Variants in EXOC6 observed in about 807,000 individuals in gnomAD.
EXOC6 encodes SEC15-like 1.
EXOC6 carries 60 observed loss-of-function variants against 112.5 expected under a neutral mutation model. That is an observed-to-expected ratio of 0.53 (90% CI 0.43 to 0.66). EXOC6 has a LOEUF of 0.66. EXOC6 is among the 30% of genes least tolerant of loss of function. The pLI is 0.00. For synonymous variants in EXOC6, 295 were observed against 308.0 expected (o/e 0.96, Z 0.44); for missense variants, 855 against 957.1 (o/e 0.89, Z 1.41).
intron 20 of EXOC6, among the ~76,000 whole-genome samples, chr10:93,029,093 A>T (rs1845154951): frequency 6.6e-6 from 1 of 152,218 alleles, no homozygotes; most frequent in South Asian, 2.1e-4. Context: ...ATGAGTCAGC[A>T]GCCATCCACA....
At chr10:92,992,907 T>G (rs188292994) in intron 18 of EXOC6, among the ~76,000 whole-genome samples, 3 of 151,798 alleles carry the variant, frequency 2.0e-5, no homozygotes, top group African/African-American at 7.2e-5. Context: ...ATGAATTTAT[T>G]CATTCATTAA....
At chr10:92,849,683 G>A (rs1032203426) in intron 1 of EXOC6, among the ~76,000 whole-genome samples, 1 of 152,206 alleles carries the variant, frequency 6.6e-6, no homozygotes, top group East Asian at 1.9e-4. Flanking sequence ...AGTGTAAATT[G>A]AAGCCAGTTC....
At chr10:92,880,579 T>C (rs1343125284) in intron 1 of EXOC6, among the ~76,000 whole-genome samples, 2 of 152,280 alleles carry the variant, frequency 1.3e-5, no homozygotes, top group African/African-American at 4.8e-5. Flanking sequence ...ACTTAGAAGA[T>C]AAAATATACA....
At position 93,019,278 on chromosome 10, in the gene EXOC6, C is replaced by T. The variant is rs1844675389; in HGVS notation, c.2169+5011C>T. Among the ~76,000 whole-genome samples the T allele has an allele frequency of 2.6e-5, 4 of 152,124 alleles. 1 individual carries two copies. In the South Asian group the frequency reaches 8.3e-4, roughly 31 times the overall value. Reference sequence around the variant, plus strand: ...TACAGGCGTGAGCCACCACACTTGGCCCAAAATGATTTTTTGTTGACTTTT... The same window carrying T: ...TACAGGCGTGAGCCACCACACTTGGTCCAAAATGATTTTTTGTTGACTTTT... On this transcript the variant is annotated intron_variant, in intron 20 of 21. Transcript: ENST00000260762.
chr10:92,829,658 T>TAAGG (rs1846442261), intron 1 of EXOC6, among the ~76,000 whole-genome samples: 1 of 152,182 alleles, frequency 6.6e-6, no homozygotes, highest in South Asian at 2.1e-4. Flanking sequence ...CCATCTTGAA[T>TAAGG]AAGGGCTGGG....
intron 13 of EXOC6, among the ~76,000 whole-genome samples, chr10:92,944,713 CT>C (rs1852870448): frequency 6.6e-6 from 1 of 151,940 alleles, no homozygotes; most frequent in South Asian, 2.1e-4. Flanking sequence ...CTCACCAACA[CT>C]TATCTTGTGT....
chr10:92,979,142 C>G (rs1052851854), intron 18 of EXOC6, among the ~76,000 whole-genome samples: 2 of 152,124 alleles, frequency 1.3e-5, no homozygotes, highest in African/African-American at 4.8e-5. Flanking sequence ...TTCTGTCAGT[C>G]CCCTGCCAAA....
At chr10:92,927,581 A>G (rs1353354442) in intron 8 of EXOC6, among the ~76,000 whole-genome samples, 1 of 152,252 alleles carries the variant, frequency 6.6e-6, no homozygotes, top group African/African-American at 2.4e-5. Context: ...CAAATGCTCT[A>G]TAGCCACATG....
At chr10:92,996,267 T>C (rs993101640) in intron 18 of EXOC6, among the ~76,000 whole-genome samples, 1 of 152,168 alleles carries the variant, frequency 6.6e-6, no homozygotes, top group South Asian at 2.1e-4. Context: ...CAGTTGAAGG[T>C]AGCCATCCTA....
At chr10:93,002,561 A>G (rs1384198632) in intron 19 of EXOC6, among the ~76,000 whole-genome samples, 1 of 152,186 alleles carries the variant, frequency 6.6e-6, no homozygotes, top group East Asian at 1.9e-4. Flanking sequence ...ATTCTGTTGC[A>G]TGATAAAGTT....
intron 5 of EXOC6, among the ~76,000 whole-genome samples, chr10:92,902,950 T>G (rs1001529726): frequency 1.3e-5 from 2 of 152,152 alleles, no homozygotes; most frequent in African/African-American, 4.8e-5. Flanking sequence ...TAGTTGCTAT[T>G]TGGGTGGTTT....
At chr10:93,039,686 TTTCC>T (rs923470865) in intron 20 of EXOC6, among the ~76,000 whole-genome samples, 2 of 152,228 alleles carry the variant, frequency 1.3e-5, no homozygotes, top group African/African-American at 4.8e-5. Flanking sequence ...AATTAAGTAG[TTTCC>T]ACTTCCTTAC....
At chr10:93,058,185 T>A (rs749572815) in intron 21 of EXOC6, 38 bp from the exon 22 acceptor site, 4 of 1,578,792 alleles carry the variant, frequency 2.5e-6, no homozygotes, top group Non-Finnish European at 3.4e-6. Context: ...GCTTTTAATT[T>A]TCTTTTACCA....
intron 1 of EXOC6, among the ~76,000 whole-genome samples, chr10:92,859,831 G>GCA (rs755264891): frequency 1.2e-5 from 1 of 86,844 alleles, no homozygotes; most frequent in Non-Finnish European, 2.4e-5. Flanking sequence ...ATGTGTGTGT[G>GCA]TGTGTGTGTG....
chr10:92,899,753 T>G (rs774217075), intron 5 of EXOC6, 109 bp downstream of exon 5: 14 of 778,984 alleles, frequency 1.8e-5, no homozygotes, highest in African/African-American at 5.3e-5. Context: ...GCTTTCTTCA[T>G]TACACTAACC....
chr10:93,028,505 A>G (rs1167998348), intron 20 of EXOC6, among the ~76,000 whole-genome samples: 9 of 151,988 alleles, frequency 5.9e-5, no homozygotes, highest in Admixed American at 5.9e-4. Flanking sequence ...TTTTTTTGAG[A>G]TGGAATCTAC....
At chr10:92,896,688 T>G (rs1849847728) in intron 4 of EXOC6, among the ~76,000 whole-genome samples, 1 of 151,762 alleles carries the variant, frequency 6.6e-6, no homozygotes, top group African/African-American at 2.4e-5. Context: ...CCCAAGTAGC[T>G]GGGATTACAA....
chr10:92,974,069 CAGA>C lies in EXOC6; in HGVS notation c.1793_1795del (p.Glu598del). 6.3e-7 allele frequency: 1 copy of C among 1,592,114 alleles called. No individual in the cohort carries two copies. Among genetic ancestry groups the C allele is most frequent in the South Asian group, 1.2e-5 (1 of 85,396 alleles). On this transcript the variant is annotated inframe_deletion, in exon 18 of 22. Transcript: ENST00000260762. ...CCATGTCAGGATGCTCGACATGCAG[CAGA>C]AGGAGAAATATATACCAAACTGAAT...
At chr10:92,873,558 A>G (rs977464116) in intron 1 of EXOC6, among the ~76,000 whole-genome samples, 5 of 152,104 alleles carry the variant, frequency 3.3e-5, no homozygotes, top group Admixed American at 6.5e-5. Flanking sequence ...TAAGAAACAT[A>G]TTAAAGTATA....
Sources: allele counts gnomAD v4.1 joint callset (sites outside exome capture counted in the v4.1 genomes callset), GRCh38; gene constraint gnomAD v4.1.1; transcripts MANE v1.5; gene names NCBI Gene and HGNC (gene_info 2026-07-23, HGNC 2026-07-21).